Variants in APBA2 observed in about 807,000 individuals in gnomAD.
The protein encoded by APBA2 is amyloid beta precursor protein binding family A member 2, also known as amyloid-beta A4 precursor protein-binding family A member 2.
Under a neutral mutation model 75.0 loss-of-function variants are expected in APBA2, and 30 were observed. The ratio of observed to expected loss-of-function variants is 0.40; its 90% confidence interval spans 0.30 to 0.54. APBA2 has a LOEUF of 0.54. Ranked by LOEUF, APBA2 falls within the 20% of genes least tolerant of loss-of-function variation. APBA2 has a pLI of 0.49. For synonymous variants in APBA2, 444 were observed against 409.6 expected (o/e 1.08, Z -1.01); for missense variants, 801 against 1,016.1 (o/e 0.79, Z 2.88).
intron 1 of APBA2, among the ~76,000 whole-genome samples, chr15:28,919,669 A>C (rs973394992): frequency 6.6e-6 from 1 of 152,182 alleles, no homozygotes. Flanking sequence ...GCGGGGACTC[A>C]GTGAGCATCC....
In APBA2 at chr15:29,089,399, C is replaced by T. The variant is rs78740869; in HGVS notation, c.1070-3676C>T. ...GCATGAGGGCTGCACTCCAAGACTCCGTGCCTTTGCAGAGAGCAGCGGGCC... is the reference window on the plus strand; with the variant it reads ...GCATGAGGGCTGCACTCCAAGACTCTGTGCCTTTGCAGAGAGCAGCGGGCC... On this transcript the variant is annotated intron_variant, in intron 6 of 14. Transcript: ENST00000683413. Among the ~76,000 whole-genome samples, 916 of 152,282 alleles carry T rather than the reference C, an allele frequency of 6.0e-3. 16 individuals are homozygous for T. Among genetic ancestry groups the T allele is most frequent in the African/African-American group, 0.018 (767 of 41,532 alleles).
At chr15:28,992,107 G>A (rs536064608) in intron 2 of APBA2, among the ~76,000 whole-genome samples, 3 of 152,140 alleles carry the variant, frequency 2.0e-5, no homozygotes, top group Non-Finnish European at 2.9e-5. Flanking sequence ...TTCCACTCAT[G>A]TGCCTTTCTG....
intron 2 of APBA2, among the ~76,000 whole-genome samples, chr15:28,969,181 T>A (rs982700232): frequency 2.7e-5 from 4 of 148,800 alleles, no homozygotes; most frequent in Non-Finnish European, 5.9e-5. Context: ...TCTTTCTTTC[T>A]TTTTTTTATT....
At chr15:28,972,810 C>A (rs911539748) in intron 2 of APBA2, among the ~76,000 whole-genome samples, 1 of 152,148 alleles carries the variant, frequency 6.6e-6, no homozygotes, top group Non-Finnish European at 1.5e-5. Context: ...ACTGAAAGTC[C>A]GTCTGCTTTT....
At chr15:29,055,994 A>C (rs2152892394) in intron 4 of APBA2, among the ~76,000 whole-genome samples, 1 of 152,264 alleles carries the variant, frequency 6.6e-6, no homozygotes, top group Non-Finnish European at 1.5e-5. Context: ...CTTTAGGCCA[A>C]AGCAAAGTGT....
chr15:29,117,066 AC>A lies in APBA2; in HGVS notation c.2184del (p.His728GlnfsTer2). ...QALSNSVGEIHMKTMPAAMFR... is the reference protein window; with the variant it reads ...QALSNSVGEIXMKTMPAAMFR... ...GCCTCCTGTTTCTGTCCGCAGATCC[AC>A]ATGAAGACCATGCCCGCCGCCATGT... is the stretch of plus-strand genomic sequence containing the variant. On this transcript the variant is annotated frameshift_variant, in exon 15 of 15. Coordinates refer to ENST00000683413, the MANE Select transcript of APBA2 (RefSeq NM_001353788.2). LOFTEE classifies it high-confidence loss of function. 1 of 1,613,170 alleles carries A rather than the reference AC, an allele frequency of 6.2e-7. No homozygotes were observed. Among genetic ancestry groups the A allele is most frequent in the Non-Finnish European group, 8.5e-7 (1 of 1,179,900 alleles).
intron 1 of APBA2, among the ~76,000 whole-genome samples, chr15:28,916,459 CAT>C (rs1267338761): frequency 2.0e-5 from 3 of 152,240 alleles, no homozygotes; most frequent in Admixed American, 6.5e-5. Context: ...AACCAGTACA[CAT>C]ATCTTTAATA....
chr15:29,032,535 A>G (rs1455973194), intron 3 of APBA2, among the ~76,000 whole-genome samples: 1 of 152,156 alleles, frequency 6.6e-6, no homozygotes, highest in Non-Finnish European at 1.5e-5. Context: ...CTCTTTTTAT[A>G]TATCCTGTTG....
intron 1 of APBA2, among the ~76,000 whole-genome samples, chr15:28,886,733 C>G (rs1287617224): frequency 1.3e-5 from 2 of 152,188 alleles, no homozygotes; most frequent in South Asian, 2.1e-4. Flanking sequence ...CCAGAGAACC[C>G]AAGCCCAGAT....
At chr15:28,978,065 G>T (rs2152762470) in intron 2 of APBA2, among the ~76,000 whole-genome samples, 1 of 152,294 alleles carries the variant, frequency 6.6e-6, no homozygotes, top group African/African-American at 2.4e-5. Flanking sequence ...GTGTGGTGAG[G>T]GCTTAGGCAA....
intron 3 of APBA2, among the ~76,000 whole-genome samples, chr15:29,053,119 G>C (rs1482162320): frequency 4.6e-5 from 7 of 152,162 alleles, no homozygotes; most frequent in African/African-American, 1.4e-4. Context: ...TCCCAGTTTG[G>C]CCTGCCAGGT....
intron 3 of APBA2, among the ~76,000 whole-genome samples, chr15:29,048,155 C>T (rs757791065): frequency 5.3e-5 from 8 of 151,908 alleles, no homozygotes; most frequent in Admixed American, 1.3e-4. Context: ...GACACCAACC[C>T]GGCCAACATG....
At chr15:28,917,180 C>CAG (rs2033723579) in intron 1 of APBA2, among the ~76,000 whole-genome samples, 10 of 152,230 alleles carry the variant, frequency 6.6e-5, no homozygotes, top group African/African-American at 2.4e-4. Flanking sequence ...CCTCCCTGCC[C>CAG]TCCCTCCAAA....
intron 1 of APBA2, among the ~76,000 whole-genome samples, chr15:28,903,662 G>A (rs988489629): frequency 6.6e-6 from 1 of 152,218 alleles, no homozygotes; most frequent in Non-Finnish European, 1.5e-5. Flanking sequence ...AGTCAGAGGG[G>A]CCTTCCTGGG....
chr15:29,110,473 G>T (rs1462133214), intron 13 of APBA2, among the ~76,000 whole-genome samples: 1 of 152,358 alleles, frequency 6.6e-6, no homozygotes, highest in Non-Finnish European at 1.5e-5. Flanking sequence ...CAGCCCTGTC[G>T]CTGTGAGCCC....
intron 1 of APBA2, among the ~76,000 whole-genome samples, chr15:28,892,758 G>C (rs934560809): frequency 6.6e-6 from 1 of 152,170 alleles, no homozygotes; most frequent in Non-Finnish European, 1.5e-5. Flanking sequence ...CAGCAGGGCA[G>C]CTGTAAATAT....
intron 10 of APBA2, among the ~76,000 whole-genome samples, chr15:29,104,025 C>G (rs1027011011): frequency 3.3e-5 from 5 of 152,248 alleles, no homozygotes; most frequent in Admixed American, 6.5e-5. Context: ...GCTTAGGGCC[C>G]GTCAGGGAGG....
chr15:28,923,837 C>T (rs916213038), intron 2 of APBA2, among the ~76,000 whole-genome samples: 2 of 152,126 alleles, frequency 1.3e-5, no homozygotes, highest in Admixed American at 6.5e-5. Context: ...AGAGGTGGGC[C>T]GTGAGGCTGG....
chr15:28,952,314 G>T (rs1003482304), intron 2 of APBA2, among the ~76,000 whole-genome samples: 3 of 152,070 alleles, frequency 2.0e-5, no homozygotes, highest in Non-Finnish European at 4.4e-5. Context: ...AGGATTGCTT[G>T]AGCCCAGGAG....
Sources: allele counts gnomAD v4.1 joint callset (sites outside exome capture counted in the v4.1 genomes callset), GRCh38; gene constraint gnomAD v4.1.1; transcripts MANE v1.5; gene names NCBI Gene and HGNC (gene_info 2026-07-23, HGNC 2026-07-21).